Variants in MYZAP observed in about 807,000 individuals in gnomAD.
MYZAP encodes myocardial zonula adherens protein, also known as GRINL1A complex locus upstream.
A neutral mutation model predicts 69.4 loss-of-function variants in MYZAP; 66 were observed. That is an observed-to-expected ratio of 0.95 (90% confidence interval 0.78 to 1.17). The LOEUF is 1.17. Among genes scored for constraint, MYZAP ranks in the 50% most tolerant of loss-of-function variants. MYZAP has a pLI of 0.00. For synonymous variants in MYZAP, 256 were observed against 205.9 expected, an observed-to-expected ratio of 1.24 and a Z score of -2.09; for missense variants, 611 against 556.2, an observed-to-expected ratio of 1.10 and a Z score of -0.99.
chr15:57,662,409 G>T (rs2038356790), intron 11 of MYZAP, among the ~76,000 whole-genome samples: 1 of 152,162 alleles, frequency 6.6e-6, no homozygotes, highest in African/African-American at 2.4e-5. Flanking sequence ...TGTGTGTTGG[G>T]CACTGTTAGT....
At chr15:57,675,535 G>A (rs559714431) in intron 12 of MYZAP, among the ~76,000 whole-genome samples, 1 of 152,242 alleles carries the variant, frequency 6.6e-6, no homozygotes, top group African/African-American at 2.4e-5. Context: ...TCTAAACCTT[G>A]AACAAAAGTC....
intron 10 of MYZAP, among the ~76,000 whole-genome samples, chr15:57,651,470 C>G (rs1251578754): frequency 6.6e-6 from 1 of 152,196 alleles, no homozygotes; most frequent in African/African-American, 2.4e-5. Flanking sequence ...TATCACATGT[C>G]AACCTTCCTC....
intron 10 of MYZAP, among the ~76,000 whole-genome samples, chr15:57,641,450 A>G (rs2037153161): frequency 6.6e-6 from 1 of 152,152 alleles, no homozygotes; most frequent in Admixed American, 6.5e-5. Flanking sequence ...GGATGCATAT[A>G]AAGATCACTG....
intron 4 of MYZAP, 143 bp from the exon 5 acceptor site, chr15:57,625,636 A>T (rs554480788): frequency 1.4e-6 from 1 of 733,196 alleles, no homozygotes; most frequent in Non-Finnish European, 2.3e-6. Flanking sequence ...GATCATGCAG[A>T]TGTTGACTTT....
rs557866227 is a variant in MYZAP, at chr15:57,647,494, T to G, written c.1119+7949T>G. On this transcript the variant is annotated intron_variant, in intron 10 of 12. Coordinates refer to ENST00000267853, the MANE Select transcript of MYZAP (RefSeq NM_001018100.5). ...TAGCAGCATTGATTCATTGCCAAGT[T>G]TTAAAAAAGGAAATAATTAAGAGAA... 3.3e-4 allele frequency: 328 copies of G among 985,326 alleles called. 1 individual carries two copies. The highest frequency in any genetic ancestry group is 3.7e-4 in the Non-Finnish European group (308 of 829,942). 61.0% of individuals were successfully genotyped at this position (985,326 alleles called of 1,614,324 possible).
chr15:57,669,108 C>T (rs1388620355), intron 11 of MYZAP, among the ~76,000 whole-genome samples: 1 of 151,994 alleles, frequency 6.6e-6, no homozygotes, highest in African/African-American at 2.4e-5. Context: ...GGGCTGGTCT[C>T]GAACTCCTGA....
intron 11 of MYZAP, among the ~76,000 whole-genome samples, chr15:57,671,141 T>A (rs1275591918): frequency 6.6e-6 from 1 of 152,096 alleles, no homozygotes; most frequent in Non-Finnish European, 1.5e-5. Flanking sequence ...AACATTCTCT[T>A]AGTTTTTCTT....
At chr15:57,649,211 G>C (rs74016380) in intron 10 of MYZAP, among the ~76,000 whole-genome samples, 1 of 152,022 alleles carries the variant, frequency 6.6e-6, no homozygotes, top group Admixed American at 6.6e-5. Flanking sequence ...TCTCTAACTA[G>C]GAAGTATACG....
At chr15:57,681,121 A>G (rs2039418009) in intron 12 of MYZAP, among the ~76,000 whole-genome samples, 1 of 152,166 alleles carries the variant, frequency 6.6e-6, no homozygotes, top group Admixed American at 6.5e-5. Flanking sequence ...ATATTTCTGC[A>G]TTTTATGGGC....
At chr15:57,602,941 T>G (rs1595853158) in intron 1 of MYZAP, among the ~76,000 whole-genome samples, 2 of 152,312 alleles carry the variant, frequency 1.3e-5, no homozygotes, top group African/African-American at 4.8e-5. Flanking sequence ...AGTAGTCCAT[T>G]TTTCCCTCTG....
intron 8 of MYZAP, among the ~76,000 whole-genome samples, chr15:57,636,668 T>C (rs983958779): frequency 3.3e-5 from 5 of 152,228 alleles, no homozygotes; most frequent in Non-Finnish European, 7.3e-5. Context: ...AATGTATTTT[T>C]AGCACAATTT....
chr15:57,665,282 A>G (rs571249086), intron 11 of MYZAP, among the ~76,000 whole-genome samples: 1 of 152,340 alleles, frequency 6.6e-6, no homozygotes, highest in African/African-American at 2.4e-5. Context: ...GCTGGACGTG[A>G]GTCTTATAGG....
At chr15:57,673,628 TCTTC>T (rs2038982772) in intron 11 of MYZAP, among the ~76,000 whole-genome samples, 1 of 152,162 alleles carries the variant, frequency 6.6e-6, no homozygotes, top group African/African-American at 2.4e-5. Context: ...GAAAGCATTC[TCTTC>T]CTTTACACCA....
intron 8 of MYZAP, among the ~76,000 whole-genome samples, chr15:57,634,500 C>G (rs1479527290): frequency 6.6e-6 from 1 of 152,174 alleles, no homozygotes; most frequent in African/African-American, 2.4e-5. Flanking sequence ...CCCTGTGACT[C>G]ATTCGGGATG....
intron 10 of MYZAP, among the ~76,000 whole-genome samples, chr15:57,641,910 G>A (rs1258933211): frequency 1.3e-5 from 2 of 152,148 alleles, no homozygotes; most frequent in Non-Finnish European, 2.9e-5. Context: ...GTAATTCAGG[G>A]AACTGGGGAA....
At chr15:57,649,230 G>A (rs1233157789) in intron 10 of MYZAP, among the ~76,000 whole-genome samples, 1 of 152,132 alleles carries the variant, frequency 6.6e-6, no homozygotes, top group East Asian at 1.9e-4. Context: ...CGTAAAGGAG[G>A]AATTGCTAGG....
intron 1 of MYZAP, among the ~76,000 whole-genome samples, chr15:57,603,422 A>G (rs1215523451): frequency 6.6e-6 from 1 of 152,150 alleles, no homozygotes; most frequent in Non-Finnish European, 1.5e-5. Context: ...AACTGGCACC[A>G]CCATCTATCT....
At chr15:57,649,928 G>A (rs995158772) in intron 10 of MYZAP, among the ~76,000 whole-genome samples, 1 of 151,990 alleles carries the variant, frequency 6.6e-6, no homozygotes, top group African/African-American at 2.4e-5. Context: ...TCTGTTACCT[G>A]TTTCCTTCCA....
intron 10 of MYZAP, among the ~76,000 whole-genome samples, chr15:57,649,584 T>C (rs1296072613): frequency 6.6e-6 from 1 of 152,238 alleles, no homozygotes; most frequent in Non-Finnish European, 1.5e-5. Context: ...GTAGGAACTC[T>C]ACATCTTATC....
Sources: allele counts gnomAD v4.1 joint callset (sites outside exome capture counted in the v4.1 genomes callset), GRCh38; gene constraint gnomAD v4.1.1; transcripts MANE v1.5; gene names NCBI Gene and HGNC (gene_info 2026-07-23, HGNC 2026-07-21).